PREX2: variants seen among roughly 807,000 people sequenced by gnomAD.
PREX2 encodes phosphatidylinositol 3,4,5-trisphosphate-dependent Rac exchanger 2 protein.
In PREX2, 107 loss-of-function variants were observed where a neutral mutation model predicts 203.2. The ratio of observed to expected loss-of-function variants is 0.53; its 90% CI spans 0.45 to 0.62. The LOEUF is 0.62. Among genes scored for constraint, PREX2 ranks in the 20% least tolerant of loss-of-function variants. The probability of loss-of-function intolerance (pLI) is 0.00; values close to 1 mark genes in which losing one functional copy is unlikely to be tolerated. For synonymous variants in PREX2, 672 were observed against 663.6 expected (o/e 1.01, Z -0.19); for missense variants, 1,777 against 1,955.9 (o/e 0.91, Z 1.72).
intron 37 of PREX2, among the ~76,000 whole-genome samples, chr8:68,196,391 C>T (rs72662925): frequency 0.074 from 10,921 of 147,716 alleles, 437 homozygotes; most frequent in Middle Eastern, 0.14. Context: ...ATCAACAACA[C>T]ACATCTGAAC....
At position 68,053,098 on chromosome 8, in the gene PREX2, T is replaced by G; in HGVS notation, c.945T>G (p.Ala315=). Reference sequence around the variant, plus strand: ...TTGCCTTTACCCATTAATTTACAGCTGATTTCCATAGCAGTGGACACATTG... The same window carrying G: ...TTGCCTTTACCCATTAATTTACAGCGGATTTCCATAGCAGTGGACACATTG... ...MEVENVDDGT[A]DFHSSGHIVV... Residue 315 remains alanine (A), a splice_region_variant and synonymous_variant, in exon 9 of 40, where the codon GCT becomes GCG. Coordinates refer to ENST00000288368, the MANE Select transcript of PREX2 (RefSeq NM_024870.4). 6.2e-7 allele frequency: 1 copy of G among 1,611,630 alleles called. No individual in the cohort carries two copies. Among genetic ancestry groups the G allele is most frequent in the Non-Finnish European group, 8.5e-7 (1 of 1,178,608 alleles).
intron 10 of PREX2, among the ~76,000 whole-genome samples, chr8:68,059,569 G>T (rs1257844680): frequency 6.6e-6 from 1 of 152,164 alleles, no homozygotes; most frequent in Non-Finnish European, 1.5e-5. Context: ...ATGTCTTTTG[G>T]TGTACAGTAG....
intron 39 of PREX2, among the ~76,000 whole-genome samples, chr8:68,226,769 A>C (rs1009808796): frequency 1.3e-5 from 2 of 152,226 alleles, no homozygotes; most frequent in African/African-American, 4.8e-5. Context: ...GAATGAAAAT[A>C]GTACACAGTG....
At chr8:68,062,695 AC>A (rs1230355324) in intron 11 of PREX2, among the ~76,000 whole-genome samples, 1 of 151,588 alleles carries the variant, frequency 6.6e-6, no homozygotes, top group African/African-American at 2.4e-5. Flanking sequence ...GTCTTCCATG[AC>A]CCTTTGACTT....
At position 68,164,670 on chromosome 8, in the gene PREX2, C is replaced by T. The variant is rs542088186; in HGVS notation, c.4346+7234C>T. Among the ~76,000 whole-genome samples the T allele has an allele frequency of 5.9e-5, 9 of 151,398 alleles. No individual in the cohort carries two copies. The East Asian group carries it at 1.6e-3, about 26-fold the overall frequency. On this transcript the variant is annotated intron_variant, in intron 35 of 39. Transcript: ENST00000288368. Reference sequence around the variant, plus strand: ...CGATCTTGGCTCACCTCAACCTCCACCTCCTGGGTTCAAATGATTCTCCTG... The same window carrying T: ...CGATCTTGGCTCACCTCAACCTCCATCTCCTGGGTTCAAATGATTCTCCTG...
At chr8:67,979,873 A>C (rs1201849897) in intron 1 of PREX2, among the ~76,000 whole-genome samples, 1 of 152,208 alleles carries the variant, frequency 6.6e-6, no homozygotes, top group Non-Finnish European at 1.5e-5. Context: ...TACTACTCTG[A>C]GTACTTCAAG....
rs1813213129 is a variant in PREX2, at chr8:68,233,698, G to T, written c.*2320G>T. 1 of 152,056 alleles carries T rather than the reference G, an allele frequency of 6.6e-6. No individual in the cohort carries two copies. The highest frequency in any genetic ancestry group is 2.4e-5 in the African/African-American group (1 of 41,366). The allele number at this position is 152,056 out of a possible 1,614,324, so 9.4% of individuals were successfully genotyped here. ...ATCCTCATAATAATGACGTGACATG[G>T]TACTCTTTTTATCGCGCCCATTTTT... On this transcript the variant is annotated 3_prime_UTR_variant, in exon 40 of 40. Coordinates refer to ENST00000288368, the MANE Select transcript of PREX2 (RefSeq NM_024870.4).
At chr8:68,155,439 T>A (rs1811525390) in intron 34 of PREX2, among the ~76,000 whole-genome samples, 1 of 152,156 alleles carries the variant, frequency 6.6e-6, no homozygotes, top group Non-Finnish European at 1.5e-5. Flanking sequence ...ATCTTTAAAA[T>A]TTTATTGTTT....
Position 68,068,985 on chromosome 8 carries a change from C to A in PREX2, c.1340-48C>A, listed in dbSNP as rs377448029. On this transcript the variant is annotated intron_variant, in intron 11 of 39. Coordinates refer to ENST00000288368, the MANE Select transcript of PREX2 (RefSeq NM_024870.4). ...ATAAATTTATTTGCTGTTTATCTGC[C>A]CCCTTTTAGAGTATCGTTATTTTAA... The A allele has an allele frequency of 1.1e-4, 81 of 712,818 alleles. No individual in the cohort carries two copies. The African/African-American group carries it at 1.4e-3, about 12-fold the overall frequency. The allele number at this position is 712,818 out of a possible 1,614,324, so 44.2% of individuals were successfully genotyped here.
At chr8:68,228,640 C>T (rs1348269367) in intron 39 of PREX2, among the ~76,000 whole-genome samples, 1 of 151,948 alleles carries the variant, frequency 6.6e-6, no homozygotes, top group Admixed American at 6.6e-5. Context: ...GTGGCATGCT[C>T]CTGTAGTCCC....
chr8:68,100,788 A>G (rs1015981469), intron 23 of PREX2, among the ~76,000 whole-genome samples: 4 of 152,258 alleles, frequency 2.6e-5, no homozygotes, highest in Admixed American at 6.5e-5. Context: ...AAGCAGGGGG[A>G]TGACTTCATC....
intron 37 of PREX2, among the ~76,000 whole-genome samples, chr8:68,199,586 A>G: frequency 6.6e-6 from 1 of 152,342 alleles, no homozygotes; most frequent in South Asian, 2.1e-4. Flanking sequence ...TATAAAAACA[A>G]CTAACAAGAA....
chr8:68,204,427 C>T (rs528524896), intron 37 of PREX2, among the ~76,000 whole-genome samples: 1 of 152,248 alleles, frequency 6.6e-6, no homozygotes, highest in African/African-American at 2.4e-5. Flanking sequence ...CAGAAAGTCC[C>T]ATTATCTTTA....
At chr8:68,022,945 A>G (rs1350022444) in intron 4 of PREX2, among the ~76,000 whole-genome samples, 3 of 152,328 alleles carry the variant, frequency 2.0e-5, no homozygotes, top group East Asian at 1.9e-4. Context: ...CATTCTTGCT[A>G]TAGAATGTAT....
chr8:68,067,819 G>A (rs1169386307), intron 11 of PREX2, among the ~76,000 whole-genome samples: 3 of 152,012 alleles, frequency 2.0e-5, no homozygotes, highest in African/African-American at 7.2e-5. Context: ...TTCAGCTTTT[G>A]ACCATTGAGT....
Position 68,099,773 on chromosome 8 carries a change from A to G in PREX2, c.2645A>G (p.Gln882Arg). ...AATGAAGTGATTCCTACTGACCTTC[A>G]GAGTAAATTCAGTGCCCTTTGCAGT... ...SLNEVIPTDL[Q>R]SKFSALCSER... is the part of the protein sequence containing the mutation. The change falls in exon 23 of 40, where the codon CAG becomes CGG. Residue 882 changes from glutamine to arginine, a missense_variant. Physicochemically the swap from Gln to Arg is conservative, Grantham distance 43 (BLOSUM62 1). Coordinates refer to ENST00000288368, the MANE Select transcript of PREX2 (RefSeq NM_024870.4). 6.2e-7 allele frequency: 1 copy of G among 1,613,486 alleles called. No homozygotes were observed. The highest frequency in any genetic ancestry group is 8.5e-7 in the Non-Finnish European group (1 of 1,179,468).
chr8:67,960,035 T>TTTAATTAA lies in PREX2; in HGVS notation c.141+7519_141+7526dup, dbSNP rs145839477. Among the ~76,000 whole-genome samples, 102 of 150,606 alleles carry TTTAATTAA rather than the reference T, an allele frequency of 6.8e-4. No homozygotes were observed. The East Asian group carries it at 6.8e-3, about 10-fold the overall frequency. ...AAGTGTTTCTTCCTTTTCTTTTCTT[T>TTTAATTAA]TTAATTAATTAATTAATTAATTAAT... On this transcript the variant is annotated intron_variant, in intron 1 of 39. Coordinates refer to ENST00000288368, the MANE Select transcript of PREX2 (RefSeq NM_024870.4).
At chr8:68,203,437 C>T (rs1483564787) in intron 37 of PREX2, among the ~76,000 whole-genome samples, 7 of 152,082 alleles carry the variant, frequency 4.6e-5, no homozygotes, top group Non-Finnish European at 7.4e-5. Context: ...TTGACAAGGA[C>T]AGCCATCAGG....
chr8:68,088,923 G>A (rs1809781421), intron 19 of PREX2, among the ~76,000 whole-genome samples: 1 of 152,216 alleles, frequency 6.6e-6, no homozygotes. Flanking sequence ...TTGGAGCTTA[G>A]TGGTGGGGTT....
Sources: gnomAD v4.1 joint callset for allele counts (sites outside exome capture counted in the v4.1 genomes callset) on GRCh38, gnomAD v4.1.1 for gene constraint, MANE v1.5 for transcripts, NCBI Gene and HGNC (gene_info 2026-07-23, HGNC 2026-07-21) for gene names.